Variants in MMP16 observed in about 807,000 individuals in gnomAD.
The protein encoded by MMP16 is matrix metallopeptidase 16.
Under a neutral mutation model 67.8 loss-of-function variants are expected in MMP16, and 12 were observed. The ratio of observed to expected loss-of-function variants is 0.18; its 90% CI spans 0.11 to 0.29. MMP16 has a LOEUF of 0.29. MMP16 is among the 10% of genes least tolerant of loss of function. MMP16 has a pLI of 1.00. For missense variants in MMP16, 475 were observed against 765.7 expected (o/e 0.62, Z 4.48); for synonymous variants, 249 against 255.9 (o/e 0.97, Z 0.26).
At chr8:88,074,083 G>C (rs1808605738) in intron 7 of MMP16, among the ~76,000 whole-genome samples, 1 of 152,140 alleles carries the variant, frequency 6.6e-6, no homozygotes, top group African/African-American at 2.4e-5. Context: ...GTACTTGTGA[G>C]ATTAAAATTT....
intron 3 of MMP16, among the ~76,000 whole-genome samples, chr8:88,183,530 T>C (rs975051620): frequency 3.9e-5 from 6 of 152,158 alleles, no homozygotes; most frequent in Non-Finnish European, 5.9e-5. Flanking sequence ...TCTTACATCT[T>C]TTACTTCCTT....
chr8:88,174,919 A>T (rs1808863098), intron 3 of MMP16, among the ~76,000 whole-genome samples: 1 of 151,982 alleles, frequency 6.6e-6, no homozygotes, highest in Non-Finnish European at 1.5e-5. Context: ...ACGCCCAGCT[A>T]ATTTTTGTAT....
intron 1 of MMP16, among the ~76,000 whole-genome samples, chr8:88,325,347 C>G (rs907648556): frequency 6.6e-6 from 1 of 152,110 alleles, no homozygotes; most frequent in African/African-American, 2.4e-5. Context: ...GAAAGCAAAT[C>G]TAATACTTTC....
chr8:88,050,498 A>G (rs1194260104), intron 8 of MMP16, among the ~76,000 whole-genome samples: 1 of 152,210 alleles, frequency 6.6e-6, no homozygotes, highest in Non-Finnish European at 1.5e-5. Context: ...TTGTAGCTAT[A>G]AAGTAAATTT....
Position 88,116,846 on chromosome 8 carries a change from G to A in MMP16, c.872-128C>T, listed in dbSNP as rs894519557. 86 of 815,048 alleles carry A rather than the reference G, an allele frequency of 1.1e-4. 1 individual carries two copies. The East Asian group carries it at 1.5e-3, about 15-fold the overall frequency. 50.5% of individuals were successfully genotyped at this position (815,048 alleles called of 1,614,324 possible). A position where few individuals can be genotyped will look rare whatever the true frequency, so the allele number is the denominator to read the frequency against. On this transcript the variant is annotated intron_variant, in intron 5 of 9. Coordinates refer to ENST00000286614, the MANE Select transcript of MMP16 (RefSeq NM_005941.5). ...ACTGAACTAAGAGGTCTTTAAGATC[G>A]TATATTTTCTGAAAAAAACAAAATA...
intron 1 of MMP16, among the ~76,000 whole-genome samples, chr8:88,283,289 T>C (rs2129999070): frequency 6.6e-6 from 1 of 152,356 alleles, no homozygotes; most frequent in South Asian, 2.1e-4. Context: ...TTTCCTTTTA[T>C]ATTAACACAA....
rs1340862586 is a variant in MMP16 at position 88,064,979 on chromosome 8, T to C, written c.1223-8701A>G. 2.0e-5 allele frequency among the ~76,000 whole-genome samples: 3 copies of C among 152,196 alleles called. No homozygotes were observed. The East Asian group carries it at 5.8e-4, about 29-fold the overall frequency. On this transcript the variant is annotated intron_variant, in intron 7 of 9. Coordinates refer to ENST00000286614, the MANE Select transcript of MMP16 (RefSeq NM_005941.5). Reference sequence around the variant, plus strand: ...AGTGCCTTTGGGTCTGATGCATCAGTTGGGCCAAGGCTACACTCTTCTTCA... The same window carrying C: ...AGTGCCTTTGGGTCTGATGCATCAGCTGGGCCAAGGCTACACTCTTCTTCA...
intron 4 of MMP16, among the ~76,000 whole-genome samples, chr8:88,129,422 A>G (rs1314153328): frequency 1.3e-5 from 2 of 151,720 alleles, no homozygotes; most frequent in South Asian, 2.1e-4. Context: ...TTAAAAACTT[A>G]TAAACAAATT....
intron 4 of MMP16, among the ~76,000 whole-genome samples, chr8:88,155,670 T>C (rs888919679): frequency 6.6e-6 from 1 of 152,154 alleles, no homozygotes; most frequent in Non-Finnish European, 1.5e-5. Context: ...TATCATTTTA[T>C]CTCTTCATAC....
chr8:88,237,542 G>C (rs975110700), intron 1 of MMP16, among the ~76,000 whole-genome samples: 1 of 151,486 alleles, frequency 6.6e-6, no homozygotes, highest in African/African-American at 2.4e-5. Context: ...CCAGCTACTC[G>C]GGAGGCTGAA....
intron 1 of MMP16, among the ~76,000 whole-genome samples, chr8:88,263,297 C>A (rs1031327458): frequency 6.6e-6 from 1 of 152,046 alleles, no homozygotes; most frequent in Non-Finnish European, 1.5e-5. Context: ...CTATACTGAT[C>A]CACTTTTCCA....
At chr8:88,196,761 A>G (rs1209179255) in intron 2 of MMP16, among the ~76,000 whole-genome samples, 1 of 151,284 alleles carries the variant, frequency 6.6e-6, no homozygotes, top group African/African-American at 2.4e-5. Flanking sequence ...AGATATTTCC[A>G]TTTGGCCAAT....
In MMP16 at chr8:88,074,692, T is replaced by C. The variant is rs142006673; in HGVS notation, c.1135A>G (p.Met379Val). 53 of 1,613,568 alleles carry C rather than the reference T, an allele frequency of 3.3e-5. No individual in the cohort carries two copies. The highest frequency in any genetic ancestry group is 1.1e-4 in the African/African-American group (8 of 74,900). The change falls in exon 7 of 10, where the codon ATG becomes GTG. Residue 379 changes from methionine to valine, a missense_variant. Transcript: ENST00000286614. Reference protein sequence around the residue: ...RNNRVMDGYPMQITYFWRGLP... With the variant: ...RNNRVMDGYPVQITYFWRGLP... ...CCCCGCCAGAAGTAAGTAATTTGCA[T>C]TGGGTATCCATCCATCACCCTGTTG...
intron 1 of MMP16, among the ~76,000 whole-genome samples, chr8:88,240,638 A>G (rs1810019457): frequency 6.6e-6 from 1 of 152,222 alleles, no homozygotes; most frequent in South Asian, 2.1e-4. Context: ...TAATGGACTG[A>G]GAGGAGAAAA....
At chr8:88,280,800 G>A (rs999136627) in intron 1 of MMP16, among the ~76,000 whole-genome samples, 2 of 152,090 alleles carry the variant, frequency 1.3e-5, no homozygotes, top group East Asian at 1.9e-4. Flanking sequence ...CAGGAGGACT[G>A]CTTGAGCTTG....
chr8:88,141,799 AAC>A (rs1294169219), intron 4 of MMP16, among the ~76,000 whole-genome samples: 1 of 152,188 alleles, frequency 6.6e-6, no homozygotes, highest in African/African-American at 2.4e-5. Context: ...ATTTCTGAAA[AAC>A]AACATAACAA....
Position 88,203,136 on chromosome 8 carries a change from G to A in MMP16, c.133-5830C>T, listed in dbSNP as rs141409286. On this transcript the variant is annotated intron_variant, in intron 1 of 9. Transcript: ENST00000286614. Reference sequence around the variant, plus strand: ...TTTTTTTTTTTTGAGACAGAGTCTCGCTCTGTCACTAGGCTGGAGTGCAGT... The same window carrying A: ...TTTTTTTTTTTTGAGACAGAGTCTCACTCTGTCACTAGGCTGGAGTGCAGT... Among the ~76,000 whole-genome samples the A allele has an allele frequency of 4.2e-4, 50 of 119,510 alleles. No individual in the cohort carries two copies. In the East Asian group the frequency reaches 4.8e-3, roughly 12 times the overall value. The allele number at this position is 119,510 out of a possible 152,430, so 78.4% of individuals were successfully genotyped here.
chr8:88,322,397 T>C (rs552945008), intron 1 of MMP16, among the ~76,000 whole-genome samples: 6 of 152,326 alleles, frequency 3.9e-5, no homozygotes, highest in African/African-American at 9.6e-5. Flanking sequence ...TTTCAGTACA[T>C]TATATTTTTA....
intron 3 of MMP16, among the ~76,000 whole-genome samples, chr8:88,174,627 C>G (rs1031394181): frequency 2.0e-5 from 3 of 152,100 alleles, no homozygotes; most frequent in Non-Finnish European, 4.4e-5. Flanking sequence ...TTTCTGAAAG[C>G]CTTTAACAAT....
Sources: gnomAD v4.1 joint callset for allele counts (sites outside exome capture counted in the v4.1 genomes callset) on GRCh38, gnomAD v4.1.1 for gene constraint, MANE v1.5 for transcripts, NCBI Gene and HGNC (gene_info 2026-07-23, HGNC 2026-07-21) for gene names.